Variants in TNKS1BP1 observed in about 807,000 individuals in gnomAD.
The protein encoded by TNKS1BP1 is 182 kDa tankyrase-1-binding protein.
Under a neutral mutation model 141.1 loss-of-function variants are expected in TNKS1BP1, and 48 were observed. That is an observed-to-expected ratio of 0.34 (90% CI 0.27 to 0.43). The LOEUF (loss-of-function observed/expected upper bound fraction) is 0.43. Ranked by LOEUF, TNKS1BP1 falls within the 20% of genes least tolerant of loss-of-function variation. The probability of loss-of-function intolerance (pLI) is 1.00; values close to 1 mark genes in which losing one functional copy is unlikely to be tolerated. For synonymous variants in TNKS1BP1, 875 were observed against 898.2 expected, an observed-to-expected ratio of 0.97 and a Z score of 0.46; for missense variants, 2,149 against 2,226.0, an observed-to-expected ratio of 0.97 and a Z score of 0.70.
intron 2 of TNKS1BP1, among the ~76,000 whole-genome samples, chr11:57,321,379 C>T (rs972354570): frequency 2.6e-5 from 4 of 151,944 alleles, no homozygotes; most frequent in African/African-American, 9.7e-5. Flanking sequence ...CTTGGAAGTA[C>T]CCTCGTCCAC....
At chr11:57,308,308 G>A in intron 6 of TNKS1BP1, 87 bp downstream of exon 6, 6 of 1,500,930 alleles carry the variant, frequency 4.0e-6, no homozygotes, top group Non-Finnish European at 5.3e-6. Flanking sequence ...AGGAAAAACT[G>A]TTTCTTCCCT....
Position 57,313,074 on chromosome 11 carries a change from T to C in TNKS1BP1, c.1614A>G (p.Ser538=). ...CATCCCCCTGCACCCAGGAACTTCC[T>C]GACCCACTTGGAGCTGACCCAGCCC... ...GQGAGSAPSG[S]GSSWVQGDDP... Residue 538 remains serine, a synonymous_variant, in exon 5 of 12, where the codon TCA becomes TCG. Transcript: ENST00000358252. The C allele has an allele frequency of 6.2e-7, 1 of 1,613,692 alleles. No homozygotes were observed. The highest frequency in any genetic ancestry group is 8.5e-7 in the Non-Finnish European group (1 of 1,180,010).
Position 57,313,822 on chromosome 11 carries a change from C to T in TNKS1BP1, c.866G>A (p.Gly289Asp), listed in dbSNP as rs1241763342. 1 of 1,545,974 alleles carries T rather than the reference C, an allele frequency of 6.5e-7. No individual in the cohort carries two copies. Among genetic ancestry groups the T allele is most frequent in the Middle Eastern group, 1.8e-4 (1 of 5,712 alleles). ...TGAGCCTGAGGCTTCTGCGGGGAGG[C>T]CTGGGCTGGCAGGGCCTCCATTCTC... ...SSENGGPASPGLPAEASGSGP... is the reference protein window; with the variant it reads ...SSENGGPASPDLPAEASGSGP... The change falls in exon 5 of 12, where the codon GGC becomes GAC. Residue 289 changes from glycine to aspartate, a missense_variant. Transcript: ENST00000358252.
chr11:57,321,601 A>G (rs1007575336), intron 2 of TNKS1BP1, among the ~76,000 whole-genome samples, 191 bp downstream of exon 2: 1 of 152,198 alleles, frequency 6.6e-6, no homozygotes, highest in African/African-American at 2.4e-5. Flanking sequence ...GAGATTTATG[A>G]TCCCAAACAG....
At position 57,313,611 on chromosome 11, in the gene TNKS1BP1, C is replaced by A; in HGVS notation, c.1077G>T (p.Glu359Asp). 6.3e-7 allele frequency: 1 copy of A among 1,594,438 alleles called. No homozygotes were observed. The highest frequency in any genetic ancestry group is 8.5e-7 in the Non-Finnish European group (1 of 1,170,656). Residue 359 changes from glutamate (E) to aspartate (D), a missense_variant, in exon 5 of 12, where the codon GAG becomes GAT. By Grantham distance (45) the Glu-to-Asp change is conservative. Coordinates refer to ENST00000358252, the MANE Select transcript of TNKS1BP1 (RefSeq NM_033396.3). Reference protein sequence around the residue: ...RHTPSPGLPAEGAPEAPRPSS... With the variant: ...RHTPSPGLPADGAPEAPRPSS... ...TGGGTCTGGGGGCCTCTGGAGCCCC[C>A]TCGGCAGGGAGCCCCGGGCTGGGGG... is the stretch of plus-strand genomic sequence containing the variant.
Position 57,313,080 on chromosome 11 carries a change from A to T in TNKS1BP1, c.1608T>A (p.Ser536Arg). Residue 536 changes from serine to arginine, a missense_variant, in exon 5 of 12, where the codon AGT (serine) becomes AGA (arginine). Ser to Arg is a moderately radical substitution (Grantham distance 110). Transcript: ENST00000358252. ...CCTGCACCCAGGAACTTCCTGACCCACTTGGAGCTGACCCAGCCCCTTGCC... is the reference window on the plus strand; with the variant it reads ...CCTGCACCCAGGAACTTCCTGACCCTCTTGGAGCTGACCCAGCCCCTTGCC... Reference protein sequence around the residue: ...QQGQGAGSAPSGSGSSWVQGD... With the variant: ...QQGQGAGSAPRGSGSSWVQGD... 6.2e-7 allele frequency: 1 copy of T among 1,613,478 alleles called. No homozygotes were observed.
chr11:57,307,466 C>G (rs1855631023), intron 6 of TNKS1BP1, among the ~76,000 whole-genome samples: 1 of 152,100 alleles, frequency 6.6e-6, no homozygotes, highest in Admixed American at 6.5e-5. Context: ...CCTCCTCCAT[C>G]CCAAATGCCT....
chr11:57,316,953 TC>T (rs1855808835), intron 4 of TNKS1BP1, among the ~76,000 whole-genome samples: 1 of 152,206 alleles, frequency 6.6e-6, no homozygotes, highest in Admixed American at 6.5e-5. Context: ...CCGTTGGTCC[TC>T]ACTACCACCT....
chr11:57,318,508 G>A (rs1301863869), intron 3 of TNKS1BP1, among the ~76,000 whole-genome samples: 1 of 152,212 alleles, frequency 6.6e-6, no homozygotes, highest in Non-Finnish European at 1.5e-5. Flanking sequence ...GCAGGGCAGG[G>A]CAGGGACCCT....
At chr11:57,314,009 A>C in intron 4 of TNKS1BP1, 120 bp from the exon 5 acceptor site, 2 of 1,170,038 alleles carry the variant, frequency 1.7e-6, no homozygotes, top group Non-Finnish European at 2.2e-6. Context: ...GGCAACTGGA[A>C]CCCGAGGGGG....
intron 6 of TNKS1BP1, among the ~76,000 whole-genome samples, chr11:57,307,266 C>G (rs1855627816): frequency 6.6e-6 from 1 of 152,224 alleles, no homozygotes; most frequent in Middle Eastern, 3.4e-3. Context: ...GCCCAGCAAC[C>G]TGCCCAGGAC....
Position 57,302,592 on chromosome 11 carries a change from TGG to T in TNKS1BP1, c.4548_4549del (p.Ser1516ArgfsTer45), listed in dbSNP as rs1855543267. 6.2e-7 allele frequency: 1 copy of T among 1,612,928 alleles called. No homozygotes were observed. Among genetic ancestry groups the T allele is most frequent in the Non-Finnish European group, 8.5e-7 (1 of 1,179,934 alleles). ...CCAGGTGCCATCCACGTCTTCTGTC[TGG>T]CTGGCCTCACCATCAGGCTGCGGCC... On this transcript the variant is annotated frameshift_variant, in exon 7 of 12. Coordinates refer to ENST00000358252, the MANE Select transcript of TNKS1BP1 (RefSeq NM_033396.3). LOFTEE classifies it high-confidence loss of function. The surrounding 1 kb of genome is among the most constrained non-coding windows in gnomAD (Gnocchi z 5.5).
chr11:57,320,019 C>T, intron 3 of TNKS1BP1, 60 bp downstream of exon 3: 2 of 1,242,040 alleles, frequency 1.6e-6, no homozygotes, highest in Admixed American at 3.6e-5. Context: ...CAGCCCCCAC[C>T]CAATCCCACC....
Position 57,309,623 on chromosome 11 carries a change from G to C in TNKS1BP1, c.3088C>G (p.Pro1030Ala), listed in dbSNP as rs1356242023. 1.2e-6 allele frequency: 2 copies of C among 1,613,924 alleles called. No homozygotes were observed. The highest frequency in any genetic ancestry group is 1.7e-6 in the Non-Finnish European group (2 of 1,180,036). ...CCATCCGGCACGTGGGCAGTGCTAG[G>C]ACTGAACAAGCCCCCGGATCCTCTC... ...GERGSGGLFS[P>A]STAHVPDGAL... is the part of the protein sequence containing the mutation. The change falls in exon 6 of 12, where the codon CCT becomes GCT. Residue 1030 changes from proline (P) to alanine (A), a missense_variant. Transcript: ENST00000358252. The surrounding 1 kb of genome is among the most constrained non-coding windows in gnomAD (Gnocchi z 4.3).
chr11:57,313,577 G>T lies in TNKS1BP1; in HGVS notation c.1111C>A (p.Pro371Thr). ...CTATGGGGCTCCAAGACCTCAGGGG[G>T]TGGGCTGCTGGGTCTGGGGGCCTCT... is the stretch of plus-strand genomic sequence containing the variant. ...APEAPRPSSP[P>T]PEVLEPHSLD... The change falls in exon 5 of 12, where the codon CCC (proline) becomes ACC (threonine). Residue 371 changes from proline to threonine, a missense_variant. Transcript: ENST00000358252. 1 of 1,590,934 alleles carries T rather than the reference G, an allele frequency of 6.3e-7. No homozygotes were observed. The highest frequency in any genetic ancestry group is 1.1e-5 in the South Asian group (1 of 87,076).
intron 1 of TNKS1BP1, among the ~76,000 whole-genome samples, chr11:57,323,054 T>A (rs1855911964): frequency 6.6e-6 from 1 of 152,174 alleles, no homozygotes; most frequent in African/African-American, 2.4e-5. Context: ...AAAAATGGGA[T>A]TATTGAGACC....
At position 57,311,235 on chromosome 11, in the gene TNKS1BP1, C is replaced by G. The variant is rs1014250202; in HGVS notation, c.2155-679G>C. 3 of 985,242 alleles carry G rather than the reference C, an allele frequency of 3.0e-6. No homozygotes were observed. The Admixed American group carries it at 1.8e-4, about 61-fold the overall frequency. The allele number at this position is 985,242 out of a possible 1,614,324, so 61.0% of individuals were successfully genotyped here. On this transcript the variant is annotated intron_variant, in intron 5 of 11. Transcript: ENST00000358252. ...ACCCCCCACCTCACGCTCCCTGACTCACCCTTGTGGGCGGGAGAGCCCTGG... is the reference window on the plus strand; with the variant it reads ...ACCCCCCACCTCACGCTCCCTGACTGACCCTTGTGGGCGGGAGAGCCCTGG...
At position 57,301,046 on chromosome 11, in the gene TNKS1BP1, G is replaced by A. The variant is rs754182972; in HGVS notation, c.4972-5C>T. 1.2e-6 allele frequency: 2 copies of A among 1,605,980 alleles called. No homozygotes were observed. The highest frequency in any genetic ancestry group is 1.7e-6 in the Non-Finnish European group (2 of 1,175,482). Reference sequence around the variant, plus strand: ...ATTCCGGGGGCGCAGCTTGGCCTGAGAAGCAAGTCCAGAAGCAGATAGATA... The same window carrying A: ...ATTCCGGGGGCGCAGCTTGGCCTGAAAAGCAAGTCCAGAAGCAGATAGATA... On this transcript the variant is annotated splice_region_variant and splice_polypyrimidine_tract_variant and intron_variant, in intron 9 of 11. Coordinates refer to ENST00000358252, the MANE Select transcript of TNKS1BP1 (RefSeq NM_033396.3).
chr11:57,316,600 C>T (rs1300604202), intron 4 of TNKS1BP1, among the ~76,000 whole-genome samples: 2 of 152,184 alleles, frequency 1.3e-5, no homozygotes, highest in Non-Finnish European at 2.9e-5. Flanking sequence ...GTGGGGTCAC[C>T]CTTGATTCTG....
Sources: allele counts gnomAD v4.1 joint callset (sites outside exome capture counted in the v4.1 genomes callset), GRCh38; gene constraint gnomAD v4.1.1; non-coding constraint Gnocchi (gnomAD v3.1); transcripts MANE v1.5; gene names NCBI Gene and HGNC (gene_info 2026-07-23, HGNC 2026-07-21).